The following MTUS2 variants were observed in gnomAD, a reference collection of about 807,000 sequenced individuals.
MTUS2 encodes microtubule associated scaffold protein 2.
Under a neutral mutation model 114.1 loss-of-function variants are expected in MTUS2, and 40 were observed. The observed-to-expected ratio is 0.35, with a 90% confidence interval of 0.27 to 0.46. The LOEUF (loss-of-function observed/expected upper bound fraction) is 0.46, where lower values mean the gene tolerates loss of function less well. Ranked by LOEUF, MTUS2 falls within the 20% of genes least tolerant of loss-of-function variation. The pLI, the probability that MTUS2 is intolerant of heterozygous loss-of-function variation, is 1.00. For missense variants in MTUS2, 1,679 were observed against 1,705.4 expected (o/e 0.98, Z 0.27); for synonymous variants, 688 against 672.0 (o/e 1.02, Z -0.37).
At chr13:29,081,507 T>C (rs1350214283) in intron 4 of MTUS2, among the ~76,000 whole-genome samples, 5 of 151,944 alleles carry the variant, frequency 3.3e-5, no homozygotes, top group African/African-American at 1.2e-4. Flanking sequence ...GAGCCCAGCA[T>C]TGTGTGTTCT....
At chr13:29,277,051 T>C (rs1389888537) in intron 5 of MTUS2, among the ~76,000 whole-genome samples, 1 of 152,226 alleles carries the variant, frequency 6.6e-6, no homozygotes, top group Non-Finnish European at 1.5e-5. Context: ...CTCTGTTCTC[T>C]ATGGTCTCTT....
chr13:28,827,412 A>C (rs1331995580), intron 1 of MTUS2, among the ~76,000 whole-genome samples: 1 of 152,224 alleles, frequency 6.6e-6, no homozygotes, highest in South Asian at 2.1e-4. Flanking sequence ...TAATATAAAT[A>C]CATTGTCCTC....
intron 2 of MTUS2, among the ~76,000 whole-genome samples, chr13:28,840,072 G>T (rs1208950376): frequency 1.3e-5 from 2 of 148,660 alleles, no homozygotes; most frequent in Admixed American, 6.7e-5. Context: ...GTTAGATATT[G>T]ACTGAGTTCA....
chr13:28,990,859 CG>C (rs1884814512), intron 2 of MTUS2, among the ~76,000 whole-genome samples: 2 of 150,008 alleles, frequency 1.3e-5, no homozygotes, highest in African/African-American at 2.4e-5. Flanking sequence ...CCACTCACTG[CG>C]AGGGTCTGCG....
intron 2 of MTUS2, among the ~76,000 whole-genome samples, chr13:28,980,727 G>C (rs2138293491): frequency 6.6e-6 from 1 of 152,196 alleles, no homozygotes; most frequent in Non-Finnish European, 1.5e-5. Flanking sequence ...ATCAATATTT[G>C]TAATTTTGAT....
chr13:29,343,486 G>T (rs1307094064), intron 7 of MTUS2, among the ~76,000 whole-genome samples: 1 of 151,858 alleles, frequency 6.6e-6, no homozygotes, highest in South Asian at 2.1e-4. Context: ...TATCTCTGTG[G>T]TATCAGTTAT....
At chr13:28,889,269 G>A (rs1021860802) in intron 2 of MTUS2, among the ~76,000 whole-genome samples, 1 of 152,126 alleles carries the variant, frequency 6.6e-6, no homozygotes, top group Non-Finnish European at 1.5e-5. Context: ...AAAGTTGGAG[G>A]CATTTCGGGT....
chr13:28,833,609 C>T (rs1329517269), intron 1 of MTUS2, among the ~76,000 whole-genome samples: 1 of 152,120 alleles, frequency 6.6e-6, no homozygotes, highest in African/African-American at 2.4e-5. Context: ...TAACATCGTA[C>T]TTGTGAAAGA....
chr13:29,237,331 TG>T (rs1162453132), intron 5 of MTUS2, among the ~76,000 whole-genome samples: 3 of 152,174 alleles, frequency 2.0e-5, no homozygotes, highest in Non-Finnish European at 2.9e-5. Flanking sequence ...GCTGTGGGTC[TG>T]GTTTTTTTGG....
chr13:29,058,229 T>TTTTTCTG (rs1565984342), intron 4 of MTUS2, among the ~76,000 whole-genome samples: 1 of 147,636 alleles, frequency 6.8e-6, no homozygotes. Flanking sequence ...CATTTTGACT[T>TTTTTCTG]TGGAGAATTT....
intron 2 of MTUS2, among the ~76,000 whole-genome samples, chr13:28,989,555 G>T (rs1884732168): frequency 6.6e-6 from 1 of 152,212 alleles, no homozygotes; most frequent in African/African-American, 2.4e-5. Flanking sequence ...GATGGGAATG[G>T]AGGAGTCTAT....
At chr13:29,440,279 A>T (rs1205406577) in intron 9 of MTUS2, among the ~76,000 whole-genome samples, 3 of 152,322 alleles carry the variant, frequency 2.0e-5, no homozygotes, top group East Asian at 1.9e-4. Context: ...AGTGGAACTC[A>T]TCAGGTCTTG....
intron 6 of MTUS2, among the ~76,000 whole-genome samples, chr13:29,283,529 A>C (rs1898358443): frequency 6.6e-6 from 1 of 152,210 alleles, no homozygotes; most frequent in Non-Finnish European, 1.5e-5. Flanking sequence ...TGGTATGTTA[A>C]AACACGGTGG....
chr13:29,453,344 C>T lies in MTUS2; in HGVS notation c.3184+13295C>T, dbSNP rs1466779054. ...TTTTCAGGATATGTTAAGCCTCTGG[C>T]CCAGGGATTAGCACAATGAATGTGG... is the stretch of plus-strand genomic sequence containing the variant. On this transcript the variant is annotated intron_variant, in intron 9 of 15. Coordinates refer to ENST00000612955, the MANE Select transcript of MTUS2 (RefSeq NM_001033602.4). Among the ~76,000 whole-genome samples the T allele has an allele frequency of 5.3e-5, 8 of 152,166 alleles. 1 individual carries two copies. The East Asian group carries it at 1.2e-3, about 22-fold the overall frequency.
chr13:29,230,643 A>G (rs1037064529), intron 5 of MTUS2, among the ~76,000 whole-genome samples: 1 of 152,238 alleles, frequency 6.6e-6, no homozygotes, highest in African/African-American at 2.4e-5. Context: ...GATAATGAGA[A>G]ATGTCAATTA....
At position 28,881,189 on chromosome 13, in the gene MTUS2, A is replaced by G. The variant is rs184580383; in HGVS notation, c.-243+41339A>G. 4.6e-5 allele frequency among the ~76,000 whole-genome samples: 7 copies of G among 152,202 alleles called. No individual in the cohort carries two copies. The East Asian group carries it at 1.2e-3, about 25-fold the overall frequency. On this transcript the variant is annotated intron_variant, in intron 2 of 15. Coordinates refer to ENST00000612955, the MANE Select transcript of MTUS2 (RefSeq NM_001033602.4). ...GCCATTGTTATGTCCATGTGTACTTACTGTTTAGTTCCCACTTGTAAGTGA... is the reference window on the plus strand; with the variant it reads ...GCCATTGTTATGTCCATGTGTACTTGCTGTTTAGTTCCCACTTGTAAGTGA...
chr13:28,840,203 T>C (rs917511862), intron 2 of MTUS2, among the ~76,000 whole-genome samples: 6 of 152,162 alleles, frequency 3.9e-5, no homozygotes, highest in African/African-American at 1.4e-4. Context: ...TTAGTAATAT[T>C]AATGGACAGA....
At chr13:29,247,770 G>A (rs909553616) in intron 5 of MTUS2, among the ~76,000 whole-genome samples, 1 of 152,192 alleles carries the variant, frequency 6.6e-6, no homozygotes, top group Non-Finnish European at 1.5e-5. Flanking sequence ...ACATGGATGT[G>A]TGAAAAGGGA....
intron 2 of MTUS2, among the ~76,000 whole-genome samples, chr13:28,935,273 A>G (rs1204379302): frequency 1.3e-5 from 2 of 151,928 alleles, no homozygotes; most frequent in African/African-American, 4.8e-5. Context: ...ATTTTTGTCC[A>G]TTTCTTTTGT....
Sources: allele counts gnomAD v4.1 joint callset (sites outside exome capture counted in the v4.1 genomes callset), GRCh38; gene constraint gnomAD v4.1.1; transcripts MANE v1.5; gene names NCBI Gene and HGNC (gene_info 2026-07-23, HGNC 2026-07-21).